Variants in C12orf75 observed in about 807,000 individuals in gnomAD.
The protein encoded by C12orf75 is overexpressed in colon carcinoma 1 protein.
Under a neutral mutation model 11.4 loss-of-function variants are expected in C12orf75, and 4 were observed. The ratio of observed to expected loss-of-function variants is 0.35; its 90% CI spans 0.17 to 0.80. The LOEUF (loss-of-function observed/expected upper bound fraction) is 0.80. Among genes scored for constraint, C12orf75 ranks in the 30% least tolerant of loss-of-function variants. C12orf75 has a pLI of 0.52. For synonymous variants in C12orf75, 30 were observed against 30.0 expected (o/e 1.00, Z 0.00); for missense variants, 89 against 80.4 (o/e 1.11, Z -0.41).
At position 105,351,741 on chromosome 12, in the gene C12orf75, G is replaced by A. The variant is rs112999428; in HGVS notation, c.71+3115G>A. On this transcript the variant is annotated intron_variant, in intron 2 of 5. Coordinates refer to ENST00000443585, the MANE Select transcript of C12orf75 (RefSeq NM_001145199.2). ...GTCTGGGACCAGCCAGCCAGGTGGT[G>A]TCCCCTGGAGCCTGTGCCTGTGGTA... is the stretch of plus-strand genomic sequence containing the variant. Among the ~76,000 whole-genome samples the A allele has an allele frequency of 3.4e-3, 515 of 152,326 alleles. 4 individuals are homozygous for A. Among genetic ancestry groups the A allele is most frequent in the African/African-American group, 0.011 (460 of 41,580 alleles).
At position 105,366,851 on chromosome 12, in the gene C12orf75, T is replaced by C. The variant is rs147509143; in HGVS notation, c.187+155T>C. 1.8e-4 allele frequency among the ~76,000 whole-genome samples: 28 copies of C among 152,386 alleles called. No homozygotes were observed. In the East Asian group the frequency reaches 5.4e-3, roughly 29 times the overall value. On this transcript the variant is annotated intron_variant, in intron 4 of 5. Coordinates refer to ENST00000443585, the MANE Select transcript of C12orf75 (RefSeq NM_001145199.2). ...ACTGTCTGTTCATTGCAGTCATTGGTTGAAATAGCCACCCACATGGTAAGA... is the reference window on the plus strand; with the variant it reads ...ACTGTCTGTTCATTGCAGTCATTGGCTGAAATAGCCACCCACATGGTAAGA...
intron 1 of C12orf75, among the ~76,000 whole-genome samples, chr12:105,333,201 C>T (rs1313667131): frequency 1.3e-5 from 2 of 152,180 alleles, no homozygotes; most frequent in African/African-American, 2.4e-5. Flanking sequence ...TGTGAGTCCA[C>T]CTGGCTGACT....
At chr12:105,346,520 A>AT (rs995028330) in intron 1 of C12orf75, among the ~76,000 whole-genome samples, 25 of 151,644 alleles carry the variant, frequency 1.6e-4, no homozygotes, top group East Asian at 5.8e-4. Context: ...CTGTGTTAAG[A>AT]TTTTTTTTTA....
At chr12:105,345,959 C>T (rs532911099) in intron 1 of C12orf75, among the ~76,000 whole-genome samples, 9 of 152,008 alleles carry the variant, frequency 5.9e-5, no homozygotes, top group East Asian at 1.9e-4. Flanking sequence ...CCACCGTGCC[C>T]GGCCTAGCAC....
chr12:105,348,896 A>G (rs2888846), intron 2 of C12orf75, among the ~76,000 whole-genome samples: 25,651 of 152,160 alleles, frequency 0.17, 2,618 homozygotes, highest in Non-Finnish European at 0.23. Flanking sequence ...CCCAACTGGT[A>G]TAGAGATTTT....
rs1871620837 is a variant in C12orf75, at chr12:105,371,314, C to T, written c.*714C>T. The stretch of plus-strand genomic sequence containing the variant: ...TGAAAGGCATGTGCAACTACAAATA[C>T]TTCATAGCTGTTTGGGTTGCTCATT... On this transcript the variant is annotated 3_prime_UTR_variant, in exon 6 of 6. Transcript: ENST00000443585. The T allele has an allele frequency of 2.0e-5, 3 of 152,318 alleles. No homozygotes were observed. The highest frequency in any genetic ancestry group is 7.2e-5 in the African/African-American group (3 of 41,440). 9.4% of individuals were successfully genotyped at this position (152,318 alleles called of 1,614,324 possible).
chr12:105,359,196 G>T (rs73181876), intron 2 of C12orf75, among the ~76,000 whole-genome samples: 1,958 of 152,264 alleles, frequency 0.013, 14 homozygotes, highest in Non-Finnish European at 0.021. Context: ...GGCCAGAAGT[G>T]GTGGGAGGCA....
At chr12:105,338,518 T>C (rs1892524577) in intron 1 of C12orf75, among the ~76,000 whole-genome samples, 1 of 152,156 alleles carries the variant, frequency 6.6e-6, no homozygotes, top group South Asian at 2.1e-4. Flanking sequence ...CTTGTCTTAG[T>C]TCATTTTTGT....
intron 1 of C12orf75, among the ~76,000 whole-genome samples, chr12:105,345,433 T>C (rs1892626356): frequency 6.6e-6 from 1 of 151,630 alleles, no homozygotes; most frequent in Non-Finnish European, 1.5e-5. Context: ...GAGGTTGCAG[T>C]GAGCCAAGAT....
At chr12:105,341,022 A>G (rs1892566978) in intron 1 of C12orf75, among the ~76,000 whole-genome samples, 1 of 152,190 alleles carries the variant, frequency 6.6e-6, no homozygotes, top group Non-Finnish European at 1.5e-5. Context: ...GAGTGCATAG[A>G]TTTCTGTTGT....
At chr12:105,348,680 T>C in intron 2 of C12orf75, 54 bp downstream of exon 2, 1 of 1,247,400 alleles carries the variant, frequency 8.0e-7, no homozygotes, top group Non-Finnish European at 1.1e-6. Context: ...GAAGTTGCTG[T>C]TTTTCATGAT....
At chr12:105,352,865 A>G (rs1892730331) in intron 2 of C12orf75, among the ~76,000 whole-genome samples, 1 of 152,222 alleles carries the variant, frequency 6.6e-6, no homozygotes, top group Non-Finnish European at 1.5e-5. Flanking sequence ...GAAAAAGCCT[A>G]CATGTGTATC....
chr12:105,358,244 G>A (rs147297248), intron 2 of C12orf75, among the ~76,000 whole-genome samples: 1 of 152,170 alleles, frequency 6.6e-6, no homozygotes, highest in Non-Finnish European at 1.5e-5. Flanking sequence ...AGCTGGGCAT[G>A]GTGGCACGTG....
At chr12:105,353,782 A>G (rs1272157574) in intron 2 of C12orf75, among the ~76,000 whole-genome samples, 1 of 152,232 alleles carries the variant, frequency 6.6e-6, no homozygotes, top group African/African-American at 2.4e-5. Flanking sequence ...ATAAAAAACC[A>G]TAGCTACTCA....
intron 1 of C12orf75, among the ~76,000 whole-genome samples, chr12:105,343,339 A>G (rs1427673238): frequency 6.6e-6 from 1 of 152,216 alleles, no homozygotes; most frequent in Non-Finnish European, 1.5e-5. Context: ...TAAGGAGCCA[A>G]TTTGGCAGGA....
intron 1 of C12orf75, among the ~76,000 whole-genome samples, chr12:105,338,159 G>A (rs1225683208): frequency 6.6e-6 from 1 of 152,052 alleles, no homozygotes; most frequent in Non-Finnish European, 1.5e-5. Flanking sequence ...TTATATGGCT[G>A]CATTTATCTT....
At chr12:105,362,606 G>T (rs974604890) in intron 2 of C12orf75, among the ~76,000 whole-genome samples, 2 of 148,582 alleles carry the variant, frequency 1.3e-5, no homozygotes, top group African/African-American at 5.0e-5. Context: ...GGCGGAGCTT[G>T]CAGTGAGCTG....
chr12:105,357,675 C>T (rs1420762589), intron 2 of C12orf75, among the ~76,000 whole-genome samples: 3 of 152,096 alleles, frequency 2.0e-5, no homozygotes, highest in Non-Finnish European at 2.9e-5. Context: ...GCTTGAACCT[C>T]GACTCATTCT....
At chr12:105,345,582 G>A (rs183532276) in intron 1 of C12orf75, among the ~76,000 whole-genome samples, 80 of 151,372 alleles carry the variant, frequency 5.3e-4, no homozygotes, top group African/African-American at 1.8e-3. Flanking sequence ...TGTCGTTTGT[G>A]GGGGGAAATC....
Sources: gnomAD v4.1 joint callset for allele counts (sites outside exome capture counted in the v4.1 genomes callset) on GRCh38, gnomAD v4.1.1 for gene constraint, MANE v1.5 for transcripts, NCBI Gene and HGNC (gene_info 2026-07-23, HGNC 2026-07-21) for gene names.